CNTNAP2: variants seen among roughly 807,000 people sequenced by gnomAD.
CNTNAP2 encodes the protein contactin associated protein 2.
CNTNAP2 carries 98 observed loss-of-function variants against 155.2 expected under a neutral mutation model. The ratio of observed to expected loss-of-function variants is 0.63; its 90% CI spans 0.54 to 0.75. The LOEUF (loss-of-function observed/expected upper bound fraction) is 0.75. Ranked by LOEUF, CNTNAP2 falls within the 30% of genes least tolerant of loss-of-function variation. CNTNAP2 has a pLI of 0.00. For synonymous variants in CNTNAP2, 651 were observed against 631.2 expected (o/e 1.03, Z -0.47); for missense variants, 1,727 against 1,688.1 (o/e 1.02, Z -0.40).
At chr7:146,624,300 G>C (rs987625171) in intron 1 of CNTNAP2, among the ~76,000 whole-genome samples, 1 of 151,936 alleles carries the variant, frequency 6.6e-6, no homozygotes, top group African/African-American at 2.4e-5. Flanking sequence ...ATAAAGGCTT[G>C]TGTGTACCTA....
chr7:146,123,954 C>T (rs910888853), intron 1 of CNTNAP2, among the ~76,000 whole-genome samples: 25 of 152,148 alleles, frequency 1.6e-4, no homozygotes, highest in African/African-American at 2.9e-4. Context: ...TGCATGGACA[C>T]GGATGAAGCT....
chr7:147,405,917 T>A (rs1414855629), intron 10 of CNTNAP2, among the ~76,000 whole-genome samples: 1 of 152,160 alleles, frequency 6.6e-6, no homozygotes, highest in Non-Finnish European at 1.5e-5. Flanking sequence ...AGACTTCAAA[T>A]AAGTCTTCAA....
At chr7:147,504,806 A>T (rs1171444230) in intron 11 of CNTNAP2, among the ~76,000 whole-genome samples, 1 of 144,560 alleles carries the variant, frequency 6.9e-6, no homozygotes, top group Non-Finnish European at 1.5e-5. Flanking sequence ...TTAAAAATAT[A>T]ATTTAAAAAC....
intron 1 of CNTNAP2, among the ~76,000 whole-genome samples, chr7:146,390,541 A>C (rs1395167332): frequency 6.6e-6 from 1 of 151,020 alleles, no homozygotes; most frequent in Non-Finnish European, 1.5e-5. Flanking sequence ...AAATATATGT[A>C]TATATATACA....
intron 9 of CNTNAP2, among the ~76,000 whole-genome samples, chr7:147,317,031 T>C (rs1795245266): frequency 6.6e-6 from 1 of 152,210 alleles, no homozygotes; most frequent in African/African-American, 2.4e-5. Flanking sequence ...TTAGTCTTAG[T>C]TTTATCTTAA....
chr7:148,348,038 C>A (rs950080807), intron 21 of CNTNAP2, among the ~76,000 whole-genome samples: 1 of 152,166 alleles, frequency 6.6e-6, no homozygotes, highest in African/African-American at 2.4e-5. Flanking sequence ...GACTCTTTGG[C>A]TAGTTTTATC....
At chr7:147,250,586 T>A (rs1804176170) in intron 8 of CNTNAP2, among the ~76,000 whole-genome samples, 2 of 149,458 alleles carry the variant, frequency 1.3e-5, no homozygotes, top group South Asian at 4.3e-4. Flanking sequence ...GTCTGGATTC[T>A]CAGTCTTAGT....
At position 146,839,717 on chromosome 7, in the gene CNTNAP2, G is replaced by A; in HGVS notation, c.215G>A (p.Gly72Glu). ...YAKINKRGGA[G>E]GWSPSDSDHY... ...TACCTCTGCCCATCTTCAGGTGCTG[G>A]GGGATGGTCTCCATCAGACAGCGAC... is the stretch of plus-strand genomic sequence containing the variant. Residue 72 changes from glycine (G) to glutamate (E), a missense_variant, in exon 3 of 24, where the codon GGG (glycine) becomes GAG (glutamate). By Grantham distance (98) the Gly-to-Glu change is moderately conservative. Coordinates refer to ENST00000361727, the MANE Select transcript of CNTNAP2 (RefSeq NM_014141.6). 6.2e-7 allele frequency: 1 copy of A among 1,614,104 alleles called. No homozygotes were observed. Among genetic ancestry groups the A allele is most frequent in the Non-Finnish European group, 8.5e-7 (1 of 1,180,020 alleles).
chr7:146,480,868 G>C (rs1161750600), intron 1 of CNTNAP2, among the ~76,000 whole-genome samples: 1 of 150,800 alleles, frequency 6.6e-6, no homozygotes, highest in African/African-American at 2.4e-5. Flanking sequence ...ATTTTCAGTA[G>C]AGACAGGGTT....
intron 9 of CNTNAP2, among the ~76,000 whole-genome samples, chr7:147,372,641 A>G (rs1468527018): frequency 6.6e-6 from 1 of 152,100 alleles, no homozygotes; most frequent in African/African-American, 2.4e-5. Flanking sequence ...CTGCACATCT[A>G]AGTTTGCTTT....
At chr7:147,246,169 C>A (rs923089771) in intron 8 of CNTNAP2, among the ~76,000 whole-genome samples, 8 of 145,072 alleles carry the variant, frequency 5.5e-5, no homozygotes, top group Admixed American at 4.1e-4. Flanking sequence ...GTAATTATGG[C>A]AGATAGCATA....
At chr7:147,035,544 T>G (rs568989475) in intron 3 of CNTNAP2, among the ~76,000 whole-genome samples, 1 of 152,352 alleles carries the variant, frequency 6.6e-6, no homozygotes, top group African/African-American at 2.4e-5. Flanking sequence ...AGAGTCATTT[T>G]ATGTTTTAAG....
intron 13 of CNTNAP2, among the ~76,000 whole-genome samples, chr7:147,675,641 T>C (rs1311042192): frequency 3.3e-5 from 5 of 152,092 alleles, no homozygotes; most frequent in African/African-American, 1.2e-4. Context: ...GCCAATCTCT[T>C]CTAGAAACAC....
intron 9 of CNTNAP2, among the ~76,000 whole-genome samples, chr7:147,320,873 A>G (rs1034014284): frequency 1.3e-5 from 2 of 152,176 alleles, no homozygotes; most frequent in Non-Finnish European, 1.5e-5. Flanking sequence ...GCATGCTTTC[A>G]TAACTGACCT....
intron 13 of CNTNAP2, among the ~76,000 whole-genome samples, chr7:147,819,470 T>A (rs767363976): frequency 6.6e-6 from 1 of 150,826 alleles, no homozygotes; most frequent in African/African-American, 2.4e-5. Context: ...AAACATTCAT[T>A]TCCTTTATTT....
At chr7:146,198,716 A>G (rs1047245423) in intron 1 of CNTNAP2, among the ~76,000 whole-genome samples, 1 of 152,092 alleles carries the variant, frequency 6.6e-6, no homozygotes, top group Admixed American at 6.6e-5. Context: ...CCTTTTTCTT[A>G]TATTCTAGGT....
chr7:146,689,082 A>C (rs1411786916), intron 1 of CNTNAP2, among the ~76,000 whole-genome samples: 1 of 152,122 alleles, frequency 6.6e-6, no homozygotes, highest in Non-Finnish European at 1.5e-5. Context: ...AGAATTTAGG[A>C]GGCATACACA....
At chr7:147,551,593 A>G (rs568512432) in intron 11 of CNTNAP2, among the ~76,000 whole-genome samples, 1 of 152,320 alleles carries the variant, frequency 6.6e-6, no homozygotes, top group Non-Finnish European at 1.5e-5. Flanking sequence ...ACATTTATAT[A>G]ATCCTCATAT....
chr7:147,403,484 C>G (rs1796953168), intron 10 of CNTNAP2, among the ~76,000 whole-genome samples: 1 of 152,126 alleles, frequency 6.6e-6, no homozygotes, highest in Admixed American at 6.5e-5. Flanking sequence ...TTTATTCAGT[C>G]AACAAATACT....
Sources: allele counts gnomAD v4.1 joint callset (sites outside exome capture counted in the v4.1 genomes callset), GRCh38; gene constraint gnomAD v4.1.1; transcripts MANE v1.5; gene names NCBI Gene and HGNC (gene_info 2026-07-23, HGNC 2026-07-21).